Variants in ARHGEF2 observed in about 807,000 individuals in gnomAD.
ARHGEF2 encodes rho guanine nucleotide exchange factor 2.
In ARHGEF2, 22 loss-of-function variants were observed where a neutral mutation model predicts 121.0. The observed-to-expected ratio is 0.18, with a 90% CI of 0.13 to 0.26. ARHGEF2 has a LOEUF of 0.26. Ranked by LOEUF, ARHGEF2 falls within the 10% of genes least tolerant of loss-of-function variation. The probability of loss-of-function intolerance (pLI) is 1.00; values close to 1 mark genes in which losing one functional copy is unlikely to be tolerated. For missense variants in ARHGEF2, 907 were observed against 1,336.0 expected (o/e 0.68, Z 5.01); for synonymous variants, 487 against 530.0 (o/e 0.92, Z 1.11).
intron 1 of ARHGEF2, chr1:155,972,408 C>G (rs1680636811): frequency 2.4e-6 from 1 of 425,012 alleles, no homozygotes; most frequent in Middle Eastern, 3.4e-4. Flanking sequence ...CCCCAGGGCT[C>G]AGGCTTCTGA....
In ARHGEF2 at chr1:155,952,108, G is replaced by T; in HGVS notation, c.2104+8C>A. ...CCTACTACCTTGGTCCCCTGCCCTG[G>T]TACTCACTGGCAGTGACCCCAGGAC... On this transcript the variant is annotated splice_region_variant and intron_variant, in intron 16 of 21. Transcript: ENST00000361247. 1 of 1,614,036 alleles carries T rather than the reference G, an allele frequency of 6.2e-7. No homozygotes were observed. The highest frequency in any genetic ancestry group is 8.5e-7 in the Non-Finnish European group (1 of 1,180,006).
intron 21 of ARHGEF2, among the ~76,000 whole-genome samples, chr1:155,948,525 GGAGGCT>G (rs1300983920): frequency 6.6e-6 from 1 of 152,084 alleles, no homozygotes; most frequent in Non-Finnish European, 1.5e-5. Flanking sequence ...CAGCTACTCG[GGAGGCT>G]GAGGAACAAG....
At chr1:155,978,596 C>T (rs544432195), upstream of ARHGEF2, 6 of 1,265,168 alleles carry the variant, frequency 4.7e-6, no homozygotes, top group East Asian at 3.1e-5. This position sits in a 1 kb window ranked among gnomAD's most constrained non-coding sequence, Gnocchi z 4.1. Context: ...GTCTCCTCCC[C>T]CGCCCAAGCT....
intron 2 of ARHGEF2, among the ~76,000 whole-genome samples, chr1:155,967,827 C>T (rs1414294728): frequency 2.0e-5 from 3 of 152,172 alleles, no homozygotes; most frequent in Non-Finnish European, 4.4e-5. Context: ...CCAGCTTCCC[C>T]TCCCCCATCC....
chr1:155,966,832 C>T lies in ARHGEF2; in HGVS notation c.264G>A (p.Lys88=), dbSNP rs1273659538. 2 of 1,613,490 alleles carry T rather than the reference C, an allele frequency of 1.2e-6. No homozygotes were observed. Among genetic ancestry groups the T allele is most frequent in the Non-Finnish European group, 8.5e-7 (1 of 1,179,648 alleles). The stretch of plus-strand genomic sequence containing the variant: ...CCTGCCGTCTCACCTTCTGCTTGAC[C>T]TTGGTACAGTTGGCGAGGGTGTCTT... The part of the protein sequence containing the change: ...RCKDTLANCT[K]VKQKQQKAAL... Residue 88 remains lysine, a synonymous_variant, in exon 3 of 22, where the codon AAG becomes AAA. Coordinates refer to ENST00000361247, the MANE Select transcript of ARHGEF2 (RefSeq NM_001162383.2).
At position 155,961,698 on chromosome 1, in the gene ARHGEF2, G is replaced by A. The variant is rs1427579781; in HGVS notation, c.1431C>T (p.Gly477=). The change falls in exon 11 of 22, where the codon GGC becomes GGT. Residue 477 remains glycine, a synonymous_variant. Transcript: ENST00000361247. The surrounding 1 kb of genome is among the most constrained non-coding windows in gnomAD (Gnocchi z 4.7). Reference sequence around the variant, plus strand: ...CCGTCGCTGTCTTCCAGAGCAGGCAGCCATCGTGGATGAGTTTGCGCCTCA... The same window carrying A: ...CCGTCGCTGTCTTCCAGAGCAGGCAACCATCGTGGATGAGTTTGCGCCTCA... The part of the protein sequence containing the change: ...ELLRRKLIHD[G]CLLWKTATGR... The A allele has an allele frequency of 2.5e-6, 4 of 1,613,638 alleles. No individual in the cohort carries two copies. Among genetic ancestry groups the A allele is most frequent in the South Asian group, 1.1e-5 (1 of 91,094 alleles).
At position 155,962,392 on chromosome 1, in the gene ARHGEF2, A is replaced by G; in HGVS notation, c.1102-170T>C. ...CAGGTTTGTTGTGAGGACCAACTGA[A>G]GGAGCAAAAAGTACTTGGGAAACTA... On this transcript the variant is annotated intron_variant, in intron 9 of 21. Transcript: ENST00000361247. The surrounding 1 kb of genome is among the most constrained non-coding windows in gnomAD (Gnocchi z 5.8). 2.0e-6 allele frequency: 2 copies of G among 999,822 alleles called. No individual in the cohort carries two copies. Among genetic ancestry groups the G allele is most frequent in the South Asian group, 3.2e-5 (2 of 63,432 alleles). 61.9% of individuals were successfully genotyped at this position (999,822 alleles called of 1,614,324 possible).
intron 1 of ARHGEF2, chr1:155,977,985 C>G (rs1681617043): frequency 1.4e-6 from 1 of 721,194 alleles, no homozygotes; most frequent in South Asian, 6.0e-5. Context: ...GCCGGTGGGG[C>G]CCGGGGTGAG....
At chr1:155,978,855 C>A, upstream of ARHGEF2, 2 of 985,166 alleles carry the variant, frequency 2.0e-6, no homozygotes, top group Non-Finnish European at 2.4e-6. The surrounding 1 kb of genome is among the most constrained non-coding windows in gnomAD (Gnocchi z 4.1). Flanking sequence ...TTCCCCTCTG[C>A]CCTCCCCTTC....
chr1:155,962,201 G>A lies in ARHGEF2; in HGVS notation c.1123C>T (p.Leu375Phe). Residue 375 changes from leucine (L) to phenylalanine (F), a missense_variant, in exon 10 of 22, where the codon CTC (leucine) becomes TTC (phenylalanine). Leu to Phe is a conservative substitution (Grantham distance 22). Coordinates refer to ENST00000361247, the MANE Select transcript of ARHGEF2 (RefSeq NM_001162383.2). The surrounding 1 kb of genome is among the most constrained non-coding windows in gnomAD (Gnocchi z 5.8). ...CACTCCTGTACCCCGTGCCGCTTGA[G>A]CACGGCGGGGCGGGTCACTTTCTAC... ...FIRKVTRPAV[L>F]KRHGVQECIL... 6.2e-7 allele frequency: 1 copy of A among 1,614,150 alleles called. No individual in the cohort carries two copies. The highest frequency in any genetic ancestry group is 8.5e-7 in the Non-Finnish European group (1 of 1,180,022).
At chr1:155,975,452 G>A (rs958595917) in intron 1 of ARHGEF2, among the ~76,000 whole-genome samples, 9 of 151,822 alleles carry the variant, frequency 5.9e-5, no homozygotes, top group Admixed American at 5.3e-4. Context: ...CTAAGCTTTA[G>A]ACTCCCTTCC....
At chr1:155,953,045 G>A (rs1386662480) in intron 14 of ARHGEF2, among the ~76,000 whole-genome samples, 2 of 151,968 alleles carry the variant, frequency 1.3e-5, no homozygotes, top group Non-Finnish European at 2.9e-5. Context: ...CAGGTGGATC[G>A]CTTGAGGCCA....
chr1:155,966,326 G>C, intron 4 of ARHGEF2, 90 bp downstream of exon 4: 1 of 1,320,060 alleles, frequency 7.6e-7, no homozygotes, highest in African/African-American at 1.4e-5. Flanking sequence ...CTATGCCTGG[G>C]AACAACCTTA....
At position 155,962,918 on chromosome 1, in the gene ARHGEF2, C is replaced by T; in HGVS notation, c.975+15G>A. The T allele has an allele frequency of 6.2e-7, 1 of 1,614,020 alleles. No homozygotes were observed. The highest frequency in any genetic ancestry group is 8.5e-7 in the Non-Finnish European group (1 of 1,179,914). On this transcript the variant is annotated intron_variant, in intron 8 of 21. Transcript: ENST00000361247. The surrounding 1 kb of genome is among the most constrained non-coding windows in gnomAD (Gnocchi z 5.8). ...CCTTCCATGAATGTCACCCAGGGGT[C>T]CTGCCTTTTCCCACCTGGCTGATGA... is the stretch of plus-strand genomic sequence containing the variant.
At position 155,961,761 on chromosome 1, in the gene ARHGEF2, T is replaced by C. The variant is rs546133502; in HGVS notation, c.1368A>G (p.Pro456=). ...YNRMDPRAQT[P]VPGKGPFGRE... Reference sequence around the variant, plus strand: ...GGCCAAAGGGGCCCTTGCCAGGCACTGGGGTTTGGGCCCGAGGGTCCATGC... The same window carrying C: ...GGCCAAAGGGGCCCTTGCCAGGCACCGGGGTTTGGGCCCGAGGGTCCATGC... Residue 456 remains proline, a synonymous_variant, in exon 11 of 22, where the codon CCA becomes CCG. Transcript: ENST00000361247. The surrounding 1 kb of genome is among the most constrained non-coding windows in gnomAD (Gnocchi z 4.7). 36 of 1,614,176 alleles carry C rather than the reference T, an allele frequency of 2.2e-5. 1 individual carries two copies. In the South Asian group the frequency reaches 3.5e-4, roughly 16 times the overall value.
intron 13 of ARHGEF2, 37 bp downstream of exon 13, chr1:155,957,676 G>A (rs1336627321): frequency 6.3e-7 from 1 of 1,580,440 alleles, no homozygotes; most frequent in Non-Finnish European, 8.6e-7. Context: ...GGTACCCTGA[G>A]GTCATAAGCA....
chr1:155,969,788 C>T, intron 1 of ARHGEF2: 1 of 987,544 alleles, frequency 1.0e-6, no homozygotes, highest in Non-Finnish European at 1.2e-6. Context: ...GATCTGCTGT[C>T]TCTGTGGCAG....
Position 155,965,733 on chromosome 1 carries a change from G to T in ARHGEF2, c.368C>A (p.Ala123Asp). The T allele has an allele frequency of 6.2e-7, 1 of 1,600,500 alleles. No homozygotes were observed. Residue 123 changes from alanine (A) to aspartate (D), a missense_variant, in exon 5 of 22, where the codon GCC (alanine) becomes GAC (aspartate). Transcript: ENST00000361247. This position sits in a 1 kb window ranked among gnomAD's most constrained non-coding sequence, Gnocchi z 6.0. ...KTTIRERPSS[A>D]IYPSDSFRQS... ...CCGGAAGCTGTCGGAGGGGTAGATG[G>T]CCGAGCTTGGCCGCTCCCGGATGGT...
At position 155,978,389 on chromosome 1, in the gene ARHGEF2, G is replaced by T; in HGVS notation, c.39C>A (p.Asp13Glu). 6.6e-7 allele frequency: 1 copy of T among 1,521,054 alleles called. No homozygotes were observed. Among genetic ancestry groups the T allele is most frequent in the Non-Finnish European group, 8.9e-7 (1 of 1,125,822 alleles). 94.2% of individuals were successfully genotyped at this position (1,521,054 alleles called of 1,614,324 possible). ...CCTTGCTCGCCAGCTCTCTGCTCCG[G>T]TCGATCCGCGCCCGCGTGAGGGATT... Reference protein sequence around the residue: ...RIESLTRARIDRSRELASKTR... With the variant: ...RIESLTRARIERSRELASKTR... Residue 13 changes from aspartate to glutamate, a missense_variant, in exon 1 of 22, where the codon GAC becomes GAA. Asp to Glu is a conservative substitution (Grantham distance 45, BLOSUM62 2). This residue lies in a region of ARHGEF2 where 475 missense variants were observed against 776.5 expected (regional missense o/e 0.61). Transcript: ENST00000361247. This position sits in a 1 kb window ranked among gnomAD's most constrained non-coding sequence, Gnocchi z 4.1.
Sources: allele counts gnomAD v4.1 joint callset (sites outside exome capture counted in the v4.1 genomes callset), GRCh38; gene constraint gnomAD v4.1.1; regional missense constraint gnomAD v4.1.1; non-coding constraint Gnocchi (gnomAD v3.1); transcripts MANE v1.5; gene names NCBI Gene and HGNC (gene_info 2026-07-23, HGNC 2026-07-21).